The following DNAH14 variants were observed in gnomAD, a reference collection of about 807,000 sequenced individuals.
The protein encoded by DNAH14 is dynein axonemal heavy chain 14.
DNAH14 carries 478 observed loss-of-function variants against 520.9 expected under a neutral mutation model. The ratio of observed to expected loss-of-function variants is 0.92; its 90% confidence interval spans 0.85 to 0.99. The LOEUF is 0.99. Ranked by LOEUF, DNAH14 falls within the 50% of genes least tolerant of loss-of-function variation. The pLI, the probability that DNAH14 is intolerant of heterozygous loss-of-function variation, is 0.00. For synonymous variants in DNAH14, 1,581 were observed against 1,757.2 expected (o/e 0.90, Z 2.51); for missense variants, 4,831 against 5,234.5 (o/e 0.92, Z 2.38).
chr1:225,327,379 T>C (rs902576239), intron 64 of DNAH14, among the ~76,000 whole-genome samples: 6 of 151,992 alleles, frequency 3.9e-5, no homozygotes, highest in Non-Finnish European at 8.8e-5. Flanking sequence ...GCCAGGATGG[T>C]CTCGATTTCC....
At chr1:225,303,935 A>G (rs1431243161) in intron 57 of DNAH14, among the ~76,000 whole-genome samples, 1 of 152,138 alleles carries the variant, frequency 6.6e-6, no homozygotes, top group Admixed American at 6.6e-5. Context: ...TACGGGACCA[A>G]TGGGATTGCA....
intron 61 of DNAH14, among the ~76,000 whole-genome samples, chr1:225,321,402 C>T (rs1574753584): frequency 2.6e-5 from 4 of 152,224 alleles, no homozygotes; most frequent in Admixed American, 2.6e-4. Flanking sequence ...AACCAACCTG[C>T]ACATGTACTC....
At chr1:225,112,199 T>C (rs934092135) in intron 23 of DNAH14, among the ~76,000 whole-genome samples, 6 of 152,172 alleles carry the variant, frequency 3.9e-5, no homozygotes, top group Non-Finnish European at 8.8e-5. Flanking sequence ...TGAAAATCTG[T>C]ATGTCCCCTT....
chr1:225,002,833 G>A lies in DNAH14; in HGVS notation c.881G>A (p.Cys294Tyr), dbSNP rs1198305747. ...LFLADDLFQTCLVYIRGLCED... is the reference protein window; with the variant it reads ...LFLADDLFQTYLVYIRGLCED... ...TTGGCTGATGACTTGTTTCAAACCT[G>A]TTTGGTTTATATAAGAGGACTTTGT... is the stretch of plus-strand genomic sequence containing the variant. Residue 294 changes from cysteine (C) to tyrosine (Y), a missense_variant, in exon 9 of 86, where the codon TGT becomes TAT. By Grantham distance (194) the Cys-to-Tyr change is radical. Coordinates refer to ENST00000682510, the MANE Select transcript of DNAH14 (RefSeq NM_001367479.1). 3.9e-6 allele frequency: 6 copies of A among 1,548,908 alleles called. No homozygotes were observed. The East Asian group carries it at 1.5e-4, about 38-fold the overall frequency.
At chr1:225,327,940 T>A (rs12031643) in intron 64 of DNAH14, among the ~76,000 whole-genome samples, 57,335 of 151,924 alleles carry the variant, frequency 0.38, 10,925 homozygotes, top group South Asian at 0.54. Context: ...AAAGAATGAA[T>A]AAAGCCTTCC....
chr1:225,140,023 C>T (rs975681984), intron 27 of DNAH14, among the ~76,000 whole-genome samples: 3 of 152,188 alleles, frequency 2.0e-5, no homozygotes, highest in Non-Finnish European at 2.9e-5. Context: ...GCTCCTATCT[C>T]GATCTGGAAA....
In DNAH14 at chr1:224,956,005, C is replaced by T. The variant is rs563930605; in HGVS notation, c.217+907C>T. Reference sequence around the variant, plus strand: ...CACCAGATACCTCCTCGTGGCTAATCTTTATAAAATAATTAATTTATAAAT... The same window carrying T: ...CACCAGATACCTCCTCGTGGCTAATTTTTATAAAATAATTAATTTATAAAT... On this transcript the variant is annotated intron_variant, in intron 3 of 85. Transcript: ENST00000682510. Among the ~76,000 whole-genome samples, 43 of 152,130 alleles carry T rather than the reference C, an allele frequency of 2.8e-4. 1 individual carries two copies. In the South Asian group the frequency reaches 3.9e-3, roughly 14 times the overall value.
At chr1:225,062,825 C>A (rs940107289) in intron 17 of DNAH14, among the ~76,000 whole-genome samples, 1 of 152,004 alleles carries the variant, frequency 6.6e-6, no homozygotes, top group Non-Finnish European at 1.5e-5. Context: ...AAAGATAGAC[C>A]TCAAAGAGAT....
In DNAH14 at chr1:225,354,148, C is replaced by T; in HGVS notation, c.11619+260C>T. 4.3e-6 allele frequency: 3 copies of T among 703,190 alleles called. No homozygotes were observed. In the East Asian group the frequency reaches 8.1e-5, roughly 19 times the overall value. 43.6% of individuals were successfully genotyped at this position (703,190 alleles called of 1,614,324 possible). A position where few individuals can be genotyped will look rare whatever the true frequency, so the allele number is the denominator to read the frequency against. ...GAAAGGAGGACTCATAGCCCTGTCC[C>T]TTTTGGGATTTGTCTGCCTATAAAG... On this transcript the variant is annotated intron_variant, in intron 73 of 85. Coordinates refer to ENST00000682510, the MANE Select transcript of DNAH14 (RefSeq NM_001367479.1).
Position 225,300,895 on chromosome 1 carries a change from C to T in DNAH14, c.8496C>T (p.Tyr2832=). ...EQDSFLEDLN[Y]IISSGRIPDL... ...ACTCATTTTTAGAAGATTTGAACTACATCATCAGTTCAGGAAGAATACCTG... is the reference window on the plus strand; with the variant it reads ...ACTCATTTTTAGAAGATTTGAACTATATCATCAGTTCAGGAAGAATACCTG... Residue 2832 remains tyrosine, a synonymous_variant, in exon 56 of 86, where the codon TAC becomes TAT. Coordinates refer to ENST00000682510, the MANE Select transcript of DNAH14 (RefSeq NM_001367479.1). 6.4e-7 allele frequency: 1 copy of T among 1,550,692 alleles called. No individual in the cohort carries two copies. The highest frequency in any genetic ancestry group is 8.7e-7 in the Non-Finnish European group (1 of 1,146,732).
intron 23 of DNAH14, among the ~76,000 whole-genome samples, chr1:225,101,566 T>C (rs1386436773): frequency 6.6e-6 from 1 of 152,130 alleles, no homozygotes; most frequent in Non-Finnish European, 1.5e-5. Context: ...ATGATTTCAC[T>C]TGCTTCAAAT....
chr1:224,948,992 A>T (rs995503610), intron 1 of DNAH14, among the ~76,000 whole-genome samples: 1 of 152,032 alleles, frequency 6.6e-6, no homozygotes, highest in Non-Finnish European at 1.5e-5. Context: ...TTTTTCTTTC[A>T]TCTGAGACCT....
Position 225,002,769 on chromosome 1 carries a change from T to G in DNAH14, c.831-14T>G. On this transcript the variant is annotated splice_polypyrimidine_tract_variant and intron_variant, in intron 8 of 85. Coordinates refer to ENST00000682510, the MANE Select transcript of DNAH14 (RefSeq NM_001367479.1). Reference sequence around the variant, plus strand: ...GAATGAGAGATATATCTGTAGAAATTTTTTAACTTTCAGGTCATTTTTGTA... The same window carrying G: ...GAATGAGAGATATATCTGTAGAAATGTTTTAACTTTCAGGTCATTTTTGTA... 3 of 1,547,162 alleles carry G rather than the reference T, an allele frequency of 1.9e-6. No homozygotes were observed. The highest frequency in any genetic ancestry group is 2.6e-6 in the Non-Finnish European group (3 of 1,144,908).
Position 225,290,641 on chromosome 1 carries a change from G to GTATA in DNAH14, c.8469+560_8469+561insATAT, listed in dbSNP as rs777422222. Among the ~76,000 whole-genome samples the GTATA allele has an allele frequency of 4.4e-3, 404 of 90,876 alleles. 1 individual carries two copies. Among genetic ancestry groups the GTATA allele is most frequent in the Non-Finnish European group, 5.1e-3 (233 of 46,012 alleles). 59.6% of individuals were successfully genotyped at this position (90,876 alleles called of 152,430 possible). A position where few individuals can be genotyped will look rare whatever the true frequency, so the allele number is the denominator to read the frequency against. The stretch of plus-strand genomic sequence containing the variant: ...TGTGTGTATAGATATATGTGTGTGT[G>GTATA]TGTGTGTATATATATATATATATAT... On this transcript the variant is annotated intron_variant, in intron 55 of 85. Coordinates refer to ENST00000682510, the MANE Select transcript of DNAH14 (RefSeq NM_001367479.1).
chr1:225,044,221 A>G (rs992952311), intron 15 of DNAH14, among the ~76,000 whole-genome samples: 1 of 152,086 alleles, frequency 6.6e-6, no homozygotes, highest in African/African-American at 2.4e-5. Context: ...CAAGGTTTGG[A>G]TTTTTTCAGT....
At chr1:225,177,207 C>G (rs1409827614) in intron 36 of DNAH14, among the ~76,000 whole-genome samples, 1 of 152,130 alleles carries the variant, frequency 6.6e-6, no homozygotes, top group African/African-American at 2.4e-5. Context: ...TGCCCCTGCC[C>G]TAGAGATTTG....
intron 17 of DNAH14, among the ~76,000 whole-genome samples, chr1:225,063,027 C>T (rs746220740): frequency 1.5e-4 from 23 of 151,840 alleles, no homozygotes; most frequent in Non-Finnish European, 2.5e-4. Flanking sequence ...ACAGAAATGA[C>T]GAGATGGGGC....
intron 15 of DNAH14, 125 bp downstream of exon 15, chr1:225,044,108 G>T: frequency 3.4e-6 from 2 of 583,880 alleles, no homozygotes; most frequent in Non-Finnish European, 5.9e-6. Context: ...TATCATAAAT[G>T]CACAGTCCTT....
In DNAH14 at chr1:225,360,841, C is replaced by A; in HGVS notation, c.11937C>A (p.Asn3979Lys). The change falls in exon 75 of 86, where the codon AAC becomes AAA. Residue 3979 changes from asparagine to lysine, a missense_variant. Coordinates refer to ENST00000682510, the MANE Select transcript of DNAH14 (RefSeq NM_001367479.1). ...CACAACAATGGGTCTTCCTCCAGAACTGCCATCTTGCAACATCATTTATGC... is the reference window on the plus strand; with the variant it reads ...CACAACAATGGGTCTTCCTCCAGAAATGCCATCTTGCAACATCATTTATGC... ...TKTQQWVFLQ[N>K]CHLATSFMPR... 1 of 1,551,742 alleles carries A rather than the reference C, an allele frequency of 6.4e-7. No individual in the cohort carries two copies. The highest frequency in any genetic ancestry group is 8.7e-7 in the Non-Finnish European group (1 of 1,146,998).
Sources: allele counts gnomAD v4.1 joint callset (sites outside exome capture counted in the v4.1 genomes callset), GRCh38; gene constraint gnomAD v4.1.1; transcripts MANE v1.5; gene names NCBI Gene and HGNC (gene_info 2026-07-23, HGNC 2026-07-21).